ABCB11: variants seen among roughly 807,000 people sequenced by gnomAD.
The protein encoded by ABCB11 is ATP binding cassette subfamily B member 11, also known as bile salt export pump.
Under a neutral mutation model 148.0 loss-of-function variants are expected in ABCB11, and 95 were observed. The ratio of observed to expected loss-of-function variants is 0.64; its 90% CI spans 0.54 to 0.76. The LOEUF (loss-of-function observed/expected upper bound fraction) is 0.76, where lower values mean the gene tolerates loss of function less well. Among genes scored for constraint, ABCB11 ranks in the 30% least tolerant of loss-of-function variants. ABCB11 has a pLI of 0.00. For missense variants in ABCB11, 1,523 were observed against 1,617.8 expected (o/e 0.94, Z 1.01); for synonymous variants, 591 against 555.4 (o/e 1.06, Z -0.90).
chr2:169,002,643 C>A (rs982301685), intron 5 of ABCB11, among the ~76,000 whole-genome samples: 1 of 152,094 alleles, frequency 6.6e-6, no homozygotes, highest in East Asian at 1.9e-4. Context: ...CACAGATGCA[C>A]CTCGAGTATA....
At chr2:168,977,932 G>C (rs935800393) in intron 11 of ABCB11, among the ~76,000 whole-genome samples, 3 of 151,992 alleles carry the variant, frequency 2.0e-5, no homozygotes, top group Non-Finnish European at 4.4e-5. Flanking sequence ...GATTTGGGTG[G>C]GGACATAAAG....
chr2:168,951,984 T>C (rs1487070568), intron 19 of ABCB11, among the ~76,000 whole-genome samples: 1 of 151,768 alleles, frequency 6.6e-6, no homozygotes, highest in East Asian at 1.9e-4. Flanking sequence ...TTTTTCTGCA[T>C]CTATTGAAAT....
chr2:168,991,293 G>C (rs745455542), intron 8 of ABCB11, among the ~76,000 whole-genome samples: 3 of 151,946 alleles, frequency 2.0e-5, no homozygotes, highest in African/African-American at 7.2e-5. Context: ...ATAGACAAAC[G>C]CCAGAGACAC....
chr2:168,978,130 GA>G (rs1693992947), intron 11 of ABCB11, among the ~76,000 whole-genome samples: 3 of 115,400 alleles, frequency 2.6e-5, no homozygotes, highest in African/African-American at 1.0e-4. Context: ...TGAATAAATT[GA>G]CTTTTTTTTT....
At chr2:168,945,018 T>C in intron 19 of ABCB11, 57 bp from the exon 20 acceptor site, 1 of 1,214,674 alleles carries the variant, frequency 8.2e-7, no homozygotes, top group Non-Finnish European at 1.1e-6. Context: ...AATAAATCTA[T>C]TTACATGTTT....
rs150572999 is a variant in ABCB11, at chr2:168,964,283, A to G, written c.2101T>C (p.Ser701Pro). Residue 701 changes from serine to proline, a missense_variant, in exon 18 of 28, where the codon TCT becomes CCT. Coordinates refer to ENST00000650372, the MANE Select transcript of ABCB11 (RefSeq NM_003742.4). ...LRASIRQRSK[S>P]QLSYLVHEPP... is the part of the protein sequence containing the mutation. ...TCGTGCACCAGGTAAGAAAGCTGAGACTTGGAGCGTTGCCGGATGGAAGCC... is the reference window on the plus strand; with the variant it reads ...TCGTGCACCAGGTAAGAAAGCTGAGGCTTGGAGCGTTGCCGGATGGAAGCC... The G allele has an allele frequency of 1.7e-4, 267 of 1,568,912 alleles. 3 individuals carry two copies. The African/African-American group carries it at 3.3e-3, about 19-fold the overall frequency.
chr2:169,023,319 A>G (rs1462605402), intron 1 of ABCB11, among the ~76,000 whole-genome samples: 1 of 152,194 alleles, frequency 6.6e-6, no homozygotes, highest in Non-Finnish European at 1.5e-5. Flanking sequence ...ACCTCCCAAC[A>G]GCCTCCTGAG....
At chr2:169,004,127 C>T (rs890024638) in intron 5 of ABCB11, among the ~76,000 whole-genome samples, 1 of 152,088 alleles carries the variant, frequency 6.6e-6, no homozygotes, top group African/African-American at 2.4e-5. Flanking sequence ...TGACTATGTG[C>T]CTAGGTGATG....
intron 11 of ABCB11, among the ~76,000 whole-genome samples, chr2:168,978,737 G>C (rs1694023904): frequency 6.6e-6 from 1 of 151,608 alleles, no homozygotes. Context: ...TTTGTTTTTT[G>C]AGACACGTTC....
intron 6 of ABCB11, 100 bp from the exon 7 acceptor site, chr2:168,995,582 G>A: frequency 7.8e-7 from 1 of 1,277,502 alleles, no homozygotes; most frequent in Non-Finnish European, 1.1e-6. Flanking sequence ...GTTGAGAAAA[G>A]GGGGAAAGTA....
chr2:168,975,827 G>A (rs555673886), intron 12 of ABCB11, among the ~76,000 whole-genome samples: 4 of 148,770 alleles, frequency 2.7e-5, no homozygotes, highest in African/African-American at 7.4e-5. Flanking sequence ...ATATATGATA[G>A]GTATGTGGTG....
chr2:168,915,825 A>G (rs1236554877), downstream of ABCB11, among the ~76,000 whole-genome samples: 5 of 152,200 alleles, frequency 3.3e-5, no homozygotes, highest in South Asian at 6.2e-4. Context: ...ATCTAGCTGC[A>G]AGGGAGTCTA....
downstream of ABCB11, among the ~76,000 whole-genome samples, chr2:168,917,287 T>C (rs139821625): frequency 3.7e-3 from 556 of 152,280 alleles, 5 homozygotes; most frequent in African/African-American, 0.012. Context: ...TCATGCAATT[T>C]TGAAATGGAC....
intron 1 of ABCB11, among the ~76,000 whole-genome samples, chr2:169,024,017 G>A (rs1006176589): frequency 5.3e-5 from 8 of 152,142 alleles, no homozygotes; most frequent in African/African-American, 1.9e-4. Context: ...GCACAGGGAG[G>A]GGAACAACAC....
At chr2:169,029,895 C>T (rs947923467) in intron 1 of ABCB11, among the ~76,000 whole-genome samples, 5 of 146,120 alleles carry the variant, frequency 3.4e-5, no homozygotes, top group African/African-American at 5.2e-5. Context: ...CGCCCGCCAC[C>T]GCGCCCGGCT....
chr2:169,016,635 T>G, intron 3 of ABCB11, 143 bp downstream of exon 3: 1 of 722,528 alleles, frequency 1.4e-6, no homozygotes, highest in Non-Finnish European at 2.3e-6. Context: ...TAGTAATATT[T>G]TAAAGAGAAA....
intron 5 of ABCB11, among the ~76,000 whole-genome samples, chr2:169,002,412 A>C (rs1461942773): frequency 6.6e-6 from 1 of 152,188 alleles, no homozygotes; most frequent in Non-Finnish European, 1.5e-5. Context: ...AAAGTTAGAA[A>C]TAGAACTGCT....
In ABCB11 at chr2:169,004,621, G is replaced by A. The variant is rs143920185; in HGVS notation, c.390-7899C>T. Reference sequence around the variant, plus strand: ...TTCAGTTGGACTTAACCTTTCTCTGGTGCCTCCTTGATTAGCTTAATAATC... The same window carrying A: ...TTCAGTTGGACTTAACCTTTCTCTGATGCCTCCTTGATTAGCTTAATAATC... On this transcript the variant is annotated intron_variant, in intron 5 of 27. Coordinates refer to ENST00000650372, the MANE Select transcript of ABCB11 (RefSeq NM_003742.4). 1.2e-4 allele frequency among the ~76,000 whole-genome samples: 18 copies of A among 151,936 alleles called. 1 individual carries two copies. In the East Asian group the frequency reaches 3.5e-3, roughly 29 times the overall value.
chr2:168,960,754 T>C (rs1476921986), intron 18 of ABCB11, among the ~76,000 whole-genome samples: 1 of 151,418 alleles, frequency 6.6e-6, no homozygotes, highest in Non-Finnish European at 1.5e-5. Flanking sequence ...TTATTTGATA[T>C]CTCCACTAAA....
Sources: allele counts gnomAD v4.1 joint callset (sites outside exome capture counted in the v4.1 genomes callset), GRCh38; gene constraint gnomAD v4.1.1; transcripts MANE v1.5; gene names NCBI Gene and HGNC (gene_info 2026-07-23, HGNC 2026-07-21).